GRAMD1B: variants seen among roughly 807,000 people sequenced by gnomAD.
The protein encoded by GRAMD1B is protein Aster-B.
A neutral mutation model predicts 99.7 loss-of-function variants in GRAMD1B; 37 were observed. The ratio of observed to expected loss-of-function variants is 0.37; its 90% CI spans 0.29 to 0.49. The LOEUF (loss-of-function observed/expected upper bound fraction) is 0.49, where lower values mean the gene tolerates loss of function less well. GRAMD1B is among the 20% of genes least tolerant of loss of function. The pLI is 0.98. For missense variants in GRAMD1B, 888 were observed against 1,009.2 expected (o/e 0.88, Z 1.63); for synonymous variants, 427 against 387.6 (o/e 1.10, Z -1.19).
At chr11:123,555,491 G>T (rs374834554) in intron 2 of GRAMD1B, among the ~76,000 whole-genome samples, 16 of 152,080 alleles carry the variant, frequency 1.1e-4, no homozygotes, top group African/African-American at 3.4e-4. Flanking sequence ...TGGGATTACA[G>T]ATGCCTGCCA....
chr11:123,523,746 G>A (rs1427583088), intron 2 of GRAMD1B, among the ~76,000 whole-genome samples: 1 of 152,186 alleles, frequency 6.6e-6, no homozygotes, highest in Non-Finnish European at 1.5e-5. Flanking sequence ...ACATGACCTG[G>A]TATTTCCATT....
At chr11:123,462,929 A>G (rs1386665116) in intron 1 of GRAMD1B, among the ~76,000 whole-genome samples, 1 of 148,632 alleles carries the variant, frequency 6.7e-6, no homozygotes, top group Admixed American at 6.7e-5. Context: ...CCTGTTTCTT[A>G]GCTTACCAGC....
intron 1 of GRAMD1B, among the ~76,000 whole-genome samples, chr11:123,448,761 A>C (rs767351811): frequency 3.3e-5 from 5 of 152,306 alleles, no homozygotes; most frequent in Middle Eastern, 3.4e-3. Context: ...GGGGCTTGGT[A>C]CTTTTTGTTT....
intron 7 of GRAMD1B, chr11:123,598,214 A>T (rs1951522532): frequency 3.6e-6 from 5 of 1,407,090 alleles, no homozygotes; most frequent in Non-Finnish European, 5.0e-6. Flanking sequence ...CGGTAGGTGT[A>T]GTTTCCACAG....
intron 2 of GRAMD1B, among the ~76,000 whole-genome samples, chr11:123,527,715 T>C (rs1942941448): frequency 6.6e-6 from 1 of 152,182 alleles, no homozygotes; most frequent in African/African-American, 2.4e-5. Context: ...GCCCAGGTGC[T>C]GCAGGAACAC....
chr11:123,508,935 A>G (rs1940709501), intron 2 of GRAMD1B, among the ~76,000 whole-genome samples: 1 of 152,122 alleles, frequency 6.6e-6, no homozygotes, highest in African/African-American at 2.4e-5. Context: ...TCTGTCTACC[A>G]CAGCCTCCCA....
rs1018644507 is a variant in GRAMD1B, at chr11:123,430,715, G to A, written c.-78G>A. On this transcript the variant is annotated 5_prime_UTR_variant, in exon 1 of 20. Transcript: ENST00000635736. ...TTGGGGAGTGTGCCGCGGGGCCGAG[G>A]GTGGGGAACAGCCAGAGGGAGACGC... The A allele has an allele frequency of 2.9e-5, 17 of 589,680 alleles. No individual in the cohort carries two copies. Among genetic ancestry groups the A allele is most frequent in the African/African-American group, 5.8e-5 (3 of 51,344 alleles). 36.5% of individuals were successfully genotyped at this position (589,680 alleles called of 1,614,324 possible).
At chr11:123,477,813 C>T (rs1271111264) in intron 1 of GRAMD1B, among the ~76,000 whole-genome samples, 87 of 145,626 alleles carry the variant, frequency 6.0e-4, no homozygotes, top group African/African-American at 2.1e-3. Context: ...CTCACTCTGT[C>T]GCCCAGGCTG....
At chr11:123,583,380 TG>T (rs1435600460) in intron 3 of GRAMD1B, among the ~76,000 whole-genome samples, 1 of 124,592 alleles carries the variant, frequency 8.0e-6, no homozygotes, top group Non-Finnish European at 1.7e-5. Context: ...TGCACGTGTG[TG>T]GTGTGTATGT....
intron 2 of GRAMD1B, among the ~76,000 whole-genome samples, chr11:123,519,617 C>T (rs945404910): frequency 6.6e-6 from 1 of 152,230 alleles, no homozygotes; most frequent in Non-Finnish European, 1.5e-5. Flanking sequence ...CCCAGATTTC[C>T]CAGCAACTAG....
Position 123,430,491 on chromosome 11 carries a change from CGAGGGGAGCCCCAG to C in GRAMD1B, c.-296_-283del, listed in dbSNP as rs1948820571. ...AGCGGAAGAAAAACAAGCGGGCGCG[CGAGGGGAGCCCCAG>C]GAGGGCTGCCGAGTGGCTGGCAGGC... On this transcript the variant is annotated 5_prime_UTR_variant, in exon 1 of 20. Coordinates refer to ENST00000635736, the MANE Select transcript of GRAMD1B (RefSeq NM_001387025.1). The C allele has an allele frequency of 1.6e-5, 6 of 384,330 alleles. No individual in the cohort carries two copies. In the South Asian group the frequency reaches 4.0e-4, roughly 26 times the overall value. 23.8% of individuals were successfully genotyped at this position (384,330 alleles called of 1,614,324 possible).
chr11:123,559,590 T>C (rs1946487408), intron 2 of GRAMD1B: 1 of 750,960 alleles, frequency 1.3e-6, no homozygotes, highest in Admixed American at 6.3e-5. Context: ...GCTGTCTGAG[T>C]ACTAATACTG....
chr11:123,621,874 C>CTT (rs1955157244), intron 19 of GRAMD1B, among the ~76,000 whole-genome samples: 1 of 150,302 alleles, frequency 6.7e-6, no homozygotes, highest in Admixed American at 6.7e-5. Context: ...TCTTTTCTTT[C>CTT]TTTCTTTTTC....
At chr11:123,537,599 G>A (rs558972677) in intron 2 of GRAMD1B, among the ~76,000 whole-genome samples, 14 of 152,102 alleles carry the variant, frequency 9.2e-5, no homozygotes, top group African/African-American at 3.4e-4. Context: ...GTTAACTCTG[G>A]CATGTTCAAA....
intron 7 of GRAMD1B, chr11:123,598,462 C>T (rs543819750): frequency 4.0e-4 from 407 of 1,006,338 alleles, no homozygotes; most frequent in African/African-American, 1.2e-3. Flanking sequence ...AGAATCTCTA[C>T]GTATTCATAG....
At chr11:123,530,420 C>T (rs930279606) in intron 2 of GRAMD1B, among the ~76,000 whole-genome samples, 5 of 152,152 alleles carry the variant, frequency 3.3e-5, no homozygotes, top group Non-Finnish European at 5.9e-5. Flanking sequence ...TCTTGTCACC[C>T]AGGCTGGAGT....
intron 2 of GRAMD1B, among the ~76,000 whole-genome samples, chr11:123,503,421 G>A (rs1169621220): frequency 6.6e-6 from 1 of 152,126 alleles, no homozygotes; most frequent in African/African-American, 2.4e-5. Flanking sequence ...GGGAACTCAT[G>A]GAGTCCCCAT....
intron 2 of GRAMD1B, chr11:123,560,643 T>C (rs971595999): frequency 2.1e-6 from 1 of 465,484 alleles, no homozygotes; most frequent in Non-Finnish European, 4.2e-6. Context: ...TCCTACCTAA[T>C]GGCTTCCAGG....
intron 4 of GRAMD1B, among the ~76,000 whole-genome samples, chr11:123,588,851 A>G (rs1194416167): frequency 6.6e-6 from 1 of 152,116 alleles, no homozygotes; most frequent in Non-Finnish European, 1.5e-5. Flanking sequence ...CTTATCCAAA[A>G]TGTTTGGGAT....
Sources: allele counts gnomAD v4.1 joint callset (sites outside exome capture counted in the v4.1 genomes callset), GRCh38; gene constraint gnomAD v4.1.1; transcripts MANE v1.5; gene names NCBI Gene and HGNC (gene_info 2026-07-23, HGNC 2026-07-21).